CPVL: variants seen among roughly 807,000 people sequenced by gnomAD.
The protein encoded by CPVL is probable serine carboxypeptidase CPVL.
CPVL carries 51 observed loss-of-function variants against 63.7 expected under a neutral mutation model. That is an observed-to-expected ratio of 0.80 (90% confidence interval 0.64 to 1.01). The LOEUF is 1.01. Ranked by LOEUF, CPVL falls within the 50% of genes least tolerant of loss-of-function variation. The pLI is 0.00. For missense variants in CPVL, 530 were observed against 573.1 expected, an observed-to-expected ratio of 0.92 and a Z score of 0.77; for synonymous variants, 195 against 206.0, an observed-to-expected ratio of 0.95 and a Z score of 0.46.
chr7:29,128,289 T>C (rs537758286), intron 1 of CPVL: 1 of 152,270 alleles, frequency 6.6e-6, no homozygotes, highest in South Asian at 2.1e-4. Context: ...AATCATTTGT[T>C]TGGATTGTGA....
intron 1 of CPVL, among the ~76,000 whole-genome samples, chr7:29,137,408 C>G (rs1462839187): frequency 6.6e-6 from 1 of 152,162 alleles, no homozygotes; most frequent in Non-Finnish European, 1.5e-5. Context: ...ACATAGCATG[C>G]AGGGAAGCTG....
intron 7 of CPVL, among the ~76,000 whole-genome samples, chr7:29,086,051 T>A (rs1280292598): frequency 2.6e-5 from 4 of 152,124 alleles, no homozygotes; most frequent in African/African-American, 9.7e-5. Context: ...CCCAGCACTT[T>A]GGGAGGCCGA....
intron 1 of CPVL, among the ~76,000 whole-genome samples, chr7:29,145,409 G>A (rs1459100359): frequency 6.6e-6 from 1 of 151,988 alleles, no homozygotes; most frequent in Non-Finnish European, 1.5e-5. Flanking sequence ...AGTGGATACC[G>A]GAACCAGGAA....
chr7:29,090,153 A>G (rs1350765633), intron 6 of CPVL, among the ~76,000 whole-genome samples: 4 of 152,088 alleles, frequency 2.6e-5, no homozygotes, highest in Non-Finnish European at 5.9e-5. Flanking sequence ...GTGAGCCACC[A>G]CACCTGGCCA....
At chr7:29,076,736 C>T (rs1784285758) in intron 7 of CPVL, among the ~76,000 whole-genome samples, 1 of 152,216 alleles carries the variant, frequency 6.6e-6, no homozygotes, top group African/African-American at 2.4e-5. Context: ...TGTGTTTGTA[C>T]ATGCTTGTAT....
chr7:29,180,871 A>C (rs904462998), intron 5 of CPVL, among the ~76,000 whole-genome samples: 10 of 152,234 alleles, frequency 6.6e-5, no homozygotes, highest in Non-Finnish European at 4.4e-5. Context: ...TATGGAGATA[A>C]TAAGCATGAC....
intron 9 of CPVL, among the ~76,000 whole-genome samples, chr7:29,067,292 A>G (rs954192438): frequency 3.9e-5 from 6 of 152,174 alleles, no homozygotes; most frequent in Admixed American, 2.0e-4. Context: ...TTATGACAAG[A>G]ATAATGCTGC....
chr7:29,035,439 A>G (rs1788430202), intron 11 of CPVL, among the ~76,000 whole-genome samples: 1 of 152,234 alleles, frequency 6.6e-6, no homozygotes, highest in Admixed American at 6.5e-5. Flanking sequence ...AGTTAGTTGC[A>G]TATGAGACAC....
intron 7 of CPVL, among the ~76,000 whole-genome samples, chr7:29,083,122 G>A (rs1226566714): frequency 6.6e-6 from 1 of 152,174 alleles, no homozygotes; most frequent in Non-Finnish European, 1.5e-5. Context: ...TAATCAGTCA[G>A]AACATCCCTT....
chr7:29,088,205 A>C (rs1253121664), intron 6 of CPVL, among the ~76,000 whole-genome samples: 1 of 152,256 alleles, frequency 6.6e-6, no homozygotes, highest in Non-Finnish European at 1.5e-5. Flanking sequence ...TGAATTTCAG[A>C]TAACAAATAA....
intron 11 of CPVL, among the ~76,000 whole-genome samples, chr7:29,044,532 C>T (rs1340500167): frequency 6.6e-6 from 1 of 152,164 alleles, no homozygotes; most frequent in Non-Finnish European, 1.5e-5. Context: ...GGTGGGCACA[C>T]ACTGCTTTGG....
upstream of CPVL, among the ~76,000 whole-genome samples, chr7:29,149,049 C>A (rs1793187515): frequency 6.6e-6 from 1 of 152,060 alleles, no homozygotes; most frequent in Non-Finnish European, 1.5e-5. Context: ...CTGTGCGACA[C>A]CAGGCGTGTT....
chr7:29,000,575 A>G (rs751283312), intron 12 of CPVL, among the ~76,000 whole-genome samples: 31 of 152,194 alleles, frequency 2.0e-4, no homozygotes, highest in Non-Finnish European at 3.7e-4. Context: ...CGTCCCATTC[A>G]TGCAGGAATA....
At chr7:29,110,218 TG>T (rs1177252032) in intron 3 of CPVL, among the ~76,000 whole-genome samples, 2 of 151,450 alleles carry the variant, frequency 1.3e-5, no homozygotes, top group Non-Finnish European at 2.9e-5. Context: ...CCAGCTAGAG[TG>T]GGGGAGGAGG....
At chr7:29,123,615 AAAAAAAAAAAAAAATATATAT>A (rs1789613017) in intron 1 of CPVL, among the ~76,000 whole-genome samples, 1 of 90,998 alleles carries the variant, frequency 1.1e-5, no homozygotes, top group African/African-American at 5.8e-5. Flanking sequence ...AAAAAAAAAA[AAAAAAAAAAAAAAATATATAT>A]ATATATATAT....
chr7:29,011,965 T>C (rs1002964786), intron 12 of CPVL: 1 of 152,234 alleles, frequency 6.6e-6, no homozygotes, highest in Non-Finnish European at 1.5e-5. Flanking sequence ...ATGTGAAATT[T>C]CACAATTCAT....
rs1447598773 is a variant in CPVL, at chr7:29,153,829, C to CT, written c.-11+27460dup. Reference sequence around the variant, plus strand: ...AAGTGATCTACCTGCCTCGGCCTCTCTAAGTGCTGGGATTACAGGCATGAG... The same window carrying CT: ...AAGTGATCTACCTGCCTCGGCCTCTCTTAAGTGCTGGGATTACAGGCATGAG... On this transcript the variant is annotated intron_variant, in intron 5 of 16. Transcript: ENST00000409850. Among the ~76,000 whole-genome samples, 3 of 152,234 alleles carry CT rather than the reference C, an allele frequency of 2.0e-5. No homozygotes were observed. The South Asian group carries it at 6.2e-4, about 31-fold the overall frequency.
At chr7:29,117,022 C>T (rs963763032) in intron 2 of CPVL, among the ~76,000 whole-genome samples, 5 of 152,012 alleles carry the variant, frequency 3.3e-5, no homozygotes, top group South Asian at 2.1e-4. Context: ...TTCAGCAAAG[C>T]GGATGAATAA....
At chr7:29,179,590 G>A (rs1730007364) in intron 5 of CPVL, among the ~76,000 whole-genome samples, 1 of 152,132 alleles carries the variant, frequency 6.6e-6, no homozygotes. Flanking sequence ...TAACACAAAT[G>A]ATTATTTTGC....
Sources: gnomAD v4.1 joint callset for allele counts (sites outside exome capture counted in the v4.1 genomes callset) on GRCh38, gnomAD v4.1.1 for gene constraint, MANE v1.5 for transcripts, NCBI Gene and HGNC (gene_info 2026-07-23, HGNC 2026-07-21) for gene names.